Variants in GALNT13 observed in about 807,000 individuals in gnomAD.
GALNT13 encodes polypeptide N-acetylgalactosaminyltransferase 13, also known as UDP-GalNAc:polypeptide N-acetylgalactosaminyltransferase 13.
Under a neutral mutation model 64.2 loss-of-function variants are expected in GALNT13, and 28 were observed. The ratio of observed to expected loss-of-function variants is 0.44; its 90% confidence interval spans 0.32 to 0.60. The LOEUF is 0.60. Among genes scored for constraint, GALNT13 ranks in the 20% least tolerant of loss-of-function variants. The pLI is 0.05. For missense variants in GALNT13, 577 were observed against 669.8 expected, an observed-to-expected ratio of 0.86 and a Z score of 1.53; for synonymous variants, 214 against 224.6, an observed-to-expected ratio of 0.95 and a Z score of 0.42.
At chr2:153,323,187 A>C in the GALNT13 span, among the ~76,000 whole-genome samples, 3 of 151,926 alleles carry the variant, frequency 2.0e-5, no homozygotes, top group Admixed American at 6.6e-5. Flanking sequence ...AATGATTGCC[A>C]CTCTAACTGG....
chr2:153,284,909 C>T, the GALNT13 span, among the ~76,000 whole-genome samples: 1 of 151,632 alleles, frequency 6.6e-6, no homozygotes, highest in East Asian at 1.9e-4. Context: ...TAAACACACA[C>T]TTTTTGTGTT....
At chr2:153,533,003 A>T in the GALNT13 span, among the ~76,000 whole-genome samples, 2 of 152,216 alleles carry the variant, frequency 1.3e-5, no homozygotes, top group Admixed American at 1.3e-4. Flanking sequence ...CTGTATCAAA[A>T]CATCTCATGT....
the GALNT13 span, among the ~76,000 whole-genome samples, chr2:153,442,693 C>T: frequency 1.3e-5 from 2 of 152,118 alleles, no homozygotes; most frequent in African/African-American, 4.8e-5. Context: ...GGGAGTTTTA[C>T]CTATAAGCCC....
At chr2:154,049,248 T>C (rs1357754568) in intron 3 of GALNT13, among the ~76,000 whole-genome samples, 1 of 151,664 alleles carries the variant, frequency 6.6e-6, no homozygotes, top group Non-Finnish European at 1.5e-5. Context: ...GTCTGTGGAA[T>C]TTGTCTTAAT....
chr2:153,585,288 A>C, the GALNT13 span, among the ~76,000 whole-genome samples: 1 of 151,924 alleles, frequency 6.6e-6, no homozygotes, highest in South Asian at 2.1e-4. Flanking sequence ...ATACAAATAC[A>C]TTTTAAAGCC....
At chr2:153,291,225 A>G in the GALNT13 span, among the ~76,000 whole-genome samples, 10 of 152,214 alleles carry the variant, frequency 6.6e-5, no homozygotes, top group Non-Finnish European at 1.3e-4. Context: ...TACTAATTAC[A>G]GAATGATATA....
At chr2:154,189,987 A>G (rs1686483850) in intron 4 of GALNT13, among the ~76,000 whole-genome samples, 1 of 152,128 alleles carries the variant, frequency 6.6e-6, no homozygotes, top group African/African-American at 2.4e-5. Context: ...CTGAATTTAA[A>G]ATGTTTTTTA....
chr2:153,681,583 T>C, the GALNT13 span, among the ~76,000 whole-genome samples: 1 of 151,832 alleles, frequency 6.6e-6, no homozygotes, highest in Admixed American at 6.6e-5. Flanking sequence ...CTCTTTATGC[T>C]ATCACACCAA....
chr2:153,632,384 A>G, the GALNT13 span, among the ~76,000 whole-genome samples: 14 of 152,190 alleles, frequency 9.2e-5, no homozygotes, highest in African/African-American at 1.7e-4. Context: ...ACTAAAGTCT[A>G]TAGTTTACAT....
the GALNT13 span, among the ~76,000 whole-genome samples, chr2:153,536,421 T>C: frequency 1.3e-5 from 2 of 152,230 alleles, no homozygotes; most frequent in South Asian, 4.1e-4. Flanking sequence ...TCATTTTCCC[T>C]ATTGCCTCAT....
chr2:153,580,678 A>C, the GALNT13 span, among the ~76,000 whole-genome samples: 3 of 152,174 alleles, frequency 2.0e-5, no homozygotes, highest in African/African-American at 7.2e-5. Context: ...GGACATAAAA[A>C]CTTTGAGTAA....
chr2:153,939,610 A>G (rs549243110), intron 2 of GALNT13, among the ~76,000 whole-genome samples: 3 of 152,314 alleles, frequency 2.0e-5, no homozygotes, highest in Non-Finnish European at 4.4e-5. Context: ...GCTTTGTGGT[A>G]CTTTTGTTAT....
At chr2:154,440,248 A>C (rs996186580) in intron 12 of GALNT13, among the ~76,000 whole-genome samples, 3 of 152,186 alleles carry the variant, frequency 2.0e-5, no homozygotes, top group Non-Finnish European at 4.4e-5. Flanking sequence ...GATCGTGTAC[A>C]TTTTTATAAA....
At chr2:154,372,410 A>G (rs1697748112) in intron 9 of GALNT13, among the ~76,000 whole-genome samples, 1 of 152,128 alleles carries the variant, frequency 6.6e-6, no homozygotes, top group South Asian at 2.1e-4. Context: ...AATAGAAAAT[A>G]GATTTCTGGT....
the GALNT13 span, among the ~76,000 whole-genome samples, chr2:153,829,068 A>T: frequency 6.6e-6 from 1 of 152,124 alleles, no homozygotes; most frequent in Non-Finnish European, 1.5e-5. Context: ...TTCATTGTCC[A>T]TATCATTATG....
the GALNT13 span, among the ~76,000 whole-genome samples, chr2:153,182,379 G>T: frequency 6.6e-6 from 1 of 152,114 alleles, no homozygotes; most frequent in Non-Finnish European, 1.5e-5. Flanking sequence ...TCTTTCTAAG[G>T]GTATTCACTT....
intron 4 of GALNT13, among the ~76,000 whole-genome samples, chr2:154,149,835 A>T (rs559740660): frequency 7.9e-5 from 12 of 152,118 alleles, no homozygotes; most frequent in Admixed American, 7.2e-4. Flanking sequence ...GGGCTGAAAC[A>T]ATAGAGTTTT....
At chr2:154,298,581 ATATAATT>A (rs1303002415) in intron 8 of GALNT13, among the ~76,000 whole-genome samples, 2 of 42,618 alleles carry the variant, frequency 4.7e-5, no homozygotes, top group Non-Finnish European at 8.6e-5. Context: ...TAAATTGTAT[ATATAATT>A]TATATATACA....
At chr2:153,241,357 C>T in the GALNT13 span, among the ~76,000 whole-genome samples, 1 of 152,176 alleles carries the variant, frequency 6.6e-6, no homozygotes, top group Non-Finnish European at 1.5e-5. Flanking sequence ...AACAAGGTGA[C>T]TAGTGTCTGT....
Sources: gnomAD v4.1 joint callset for allele counts (sites outside exome capture counted in the v4.1 genomes callset) on GRCh38, gnomAD v4.1.1 for gene constraint, MANE v1.5 for transcripts, NCBI Gene and HGNC (gene_info 2026-07-23, HGNC 2026-07-21) for gene names.